LETM1: variants seen among roughly 807,000 people sequenced by gnomAD.
LETM1 encodes the protein leucine zipper and EF-hand containing transmembrane protein 1.
A neutral mutation model predicts 74.5 loss-of-function variants in LETM1; 50 were observed. The ratio of observed to expected loss-of-function variants is 0.67; its 90% CI spans 0.53 to 0.85. The LOEUF (loss-of-function observed/expected upper bound fraction) is 0.85, where lower values mean the gene tolerates loss of function less well. Ranked by LOEUF, LETM1 falls within the 40% of genes least tolerant of loss-of-function variation. The pLI, the probability that LETM1 is intolerant of heterozygous loss-of-function variation, is 0.00. For synonymous variants in LETM1, 446 were observed against 407.1 expected, an observed-to-expected ratio of 1.10 and a Z score of -1.15; for missense variants, 824 against 967.8, an observed-to-expected ratio of 0.85 and a Z score of 1.97.
chr4:1,815,683 T>G lies in LETM1; in HGVS notation c.2051A>C (p.Asn684Thr). The change falls in exon 13 of 14, where the codon AAC becomes ACC. Residue 684 changes from asparagine to threonine, a missense_variant. Physicochemically the swap from Asn to Thr is moderately conservative, Grantham distance 65. Around this residue, in one of 4 missense-constraint regions of LETM1, gnomAD observed 161 missense variants for 252.7 expected, o/e 0.64. Transcript: ENST00000302787. ...GCCCACCTTGACGAGGTCGTCGATGTTGACCTTGCCATCCTTGTTTTCATC... is the reference window on the plus strand; with the variant it reads ...GCCCACCTTGACGAGGTCGTCGATGGTGACCTTGCCATCCTTGTTTTCATC... The part of the protein sequence containing the change: ...ALDENKDGKV[N>T]IDDLVKVIEL... The G allele has an allele frequency of 6.2e-7, 1 of 1,614,228 alleles. No homozygotes were observed.
intron 2 of LETM1, among the ~76,000 whole-genome samples, chr4:1,842,753 C>A (rs1351205742): frequency 6.6e-6 from 1 of 152,248 alleles, no homozygotes; most frequent in Non-Finnish European, 1.5e-5. Flanking sequence ...CACAGAAAGG[C>A]CTTGAGGAGG....
At position 1,824,143 on chromosome 4, in the gene LETM1, C is replaced by T. The variant is rs1170254512; in HGVS notation, c.1201-368G>A. On this transcript the variant is annotated intron_variant, in intron 7 of 13. Transcript: ENST00000302787. Reference sequence around the variant, plus strand: ...TTCGAGACCAGCCTGGCCAACATGGCGATCCCATCTCTACTAAAAATACAA... The same window carrying T: ...TTCGAGACCAGCCTGGCCAACATGGTGATCCCATCTCTACTAAAAATACAA... 4.6e-5 allele frequency among the ~76,000 whole-genome samples: 7 copies of T among 152,114 alleles called. No homozygotes were observed. The South Asian group carries it at 6.2e-4, about 13-fold the overall frequency.
chr4:1,821,674 A>G (rs1039827715), intron 10 of LETM1, among the ~76,000 whole-genome samples: 6 of 152,154 alleles, frequency 3.9e-5, no homozygotes, highest in African/African-American at 1.4e-4. Flanking sequence ...CGAGTTCAAG[A>G]TGGAAGGTAC....
At chr4:1,848,616 T>C (rs1378657302) in intron 2 of LETM1, among the ~76,000 whole-genome samples, 1 of 143,708 alleles carries the variant, frequency 7.0e-6, no homozygotes, top group Non-Finnish European at 1.5e-5. Flanking sequence ...CTCGGGAGGT[T>C]GAAGCAGGAG....
At chr4:1,840,710 A>T (rs1029375729) in intron 3 of LETM1, among the ~76,000 whole-genome samples, 5 of 141,844 alleles carry the variant, frequency 3.5e-5, no homozygotes, top group African/African-American at 1.2e-4. Context: ...TAATAATAAT[A>T]AAAAAAAAAC....
chr4:1,834,956 C>T lies in LETM1; in HGVS notation c.765G>A (p.Arg255=). 6.2e-7 allele frequency: 1 copy of T among 1,614,070 alleles called. No homozygotes were observed. Among genetic ancestry groups the T allele is most frequent in the African/African-American group, 1.3e-5 (1 of 75,026 alleles). The change falls in exon 5 of 14, where the codon CGG becomes CGA. Residue 255 remains arginine, a synonymous_variant. Transcript: ENST00000302787. The surrounding 1 kb of genome is among the most constrained non-coding windows in gnomAD (Gnocchi z 5.0). ...LKEERLKKEL[R]VKLELAKFLQ... is the part of the protein sequence containing the mutation. ...GGAACTTGGCCAGCTCCAGCTTGACCCGAAGCTCCTTCTTCAGCCTCTCCT... is the reference window on the plus strand; with the variant it reads ...GGAACTTGGCCAGCTCCAGCTTGACTCGAAGCTCCTTCTTCAGCCTCTCCT...
At chr4:1,845,857 T>C (rs1712866996) in intron 2 of LETM1, among the ~76,000 whole-genome samples, 1 of 151,554 alleles carries the variant, frequency 6.6e-6, no homozygotes, top group Non-Finnish European at 1.5e-5. Flanking sequence ...TCCATAATTA[T>C]TATATTATTA....
intron 2 of LETM1, among the ~76,000 whole-genome samples, chr4:1,844,216 C>A (rs142766830): frequency 6.6e-6 from 1 of 152,230 alleles, no homozygotes; most frequent in Admixed American, 6.5e-5. Flanking sequence ...TAACATCCCC[C>A]GGCAAATCCC....
Position 1,855,998 on chromosome 4 carries a change from C to CCGCGGCGGCCGCGGCTCTTCGCCGT in LETM1, c.-73_-49dup, listed in dbSNP as rs1456174141. On this transcript the variant is annotated 5_prime_UTR_variant, in exon 1 of 14. Transcript: ENST00000302787. ...CCGGCCTCCTGCGCTGCCTCCTTCT[C>CCGCGGCGGCCGCGGCTCTTCGCCGT]CGCGGCGGCCGCGGCTCTTCGCCGT... 9 of 1,107,264 alleles carry CCGCGGCGGCCGCGGCTCTTCGCCGT rather than the reference C, an allele frequency of 8.1e-6. No individual in the cohort carries two copies. In the African/African-American group the frequency reaches 1.5e-4, roughly 18 times the overall value. 68.6% of individuals were successfully genotyped at this position (1,107,264 alleles called of 1,614,324 possible).
At chr4:1,826,787 C>G (rs1712004253) in intron 6 of LETM1, among the ~76,000 whole-genome samples, 1 of 152,260 alleles carries the variant, frequency 6.6e-6, no homozygotes, top group East Asian at 1.9e-4. Flanking sequence ...CTCCTGGGGG[C>G]TGGCTGGCCT....
intron 1 of LETM1, among the ~76,000 whole-genome samples, chr4:1,849,817 G>A (rs1440188131): frequency 6.6e-6 from 1 of 152,162 alleles, no homozygotes; most frequent in Admixed American, 6.5e-5. Flanking sequence ...CAAAGTGTTG[G>A]GATTACAGGC....
chr4:1,846,686 A>T (rs1369796964), intron 2 of LETM1: 1 of 152,242 alleles, frequency 6.6e-6, no homozygotes, highest in East Asian at 1.9e-4. Context: ...AGCTAACATC[A>T]TATGTCACAA....
intron 6 of LETM1, among the ~76,000 whole-genome samples, chr4:1,829,423 G>C (rs1028479771): frequency 6.6e-6 from 1 of 152,252 alleles, no homozygotes; most frequent in African/African-American, 2.4e-5. Flanking sequence ...CTCCCGGACA[G>C]TTCTTTTAAC....
At chr4:1,820,872 C>G (rs1454725486) in intron 10 of LETM1, among the ~76,000 whole-genome samples, 1 of 151,774 alleles carries the variant, frequency 6.6e-6, no homozygotes, top group Non-Finnish European at 1.5e-5. Flanking sequence ...AAAAATACAA[C>G]AATTAGCTGG....
intron 6 of LETM1, among the ~76,000 whole-genome samples, chr4:1,829,724 G>A (rs977312951): frequency 6.6e-6 from 1 of 152,238 alleles, no homozygotes; most frequent in Non-Finnish European, 1.5e-5. Flanking sequence ...GGGGGCTGAG[G>A]TGGGAGGATG....
At chr4:1,816,407 G>A (rs933963637) in intron 12 of LETM1, among the ~76,000 whole-genome samples, 1 of 152,222 alleles carries the variant, frequency 6.6e-6, no homozygotes, top group African/African-American at 2.4e-5. Context: ...GCGTGGGTGG[G>A]GTCAGGAAGA....
intron 13 of LETM1, 122 bp from the exon 14 acceptor site, chr4:1,814,695 C>T: frequency 1.3e-6 from 1 of 768,612 alleles, no homozygotes; most frequent in Non-Finnish European, 2.2e-6. Context: ...GCAATCACTG[C>T]CTGCGGGCCC....
At chr4:1,852,428 T>C (rs1427280434) in intron 1 of LETM1, among the ~76,000 whole-genome samples, 2 of 152,060 alleles carry the variant, frequency 1.3e-5, no homozygotes, top group Non-Finnish European at 2.9e-5. Context: ...CACCCAGAAG[T>C]TCTCATCAAG....
At position 1,822,253 on chromosome 4, in the gene LETM1, C is replaced by A. The variant is rs748336643; in HGVS notation, c.1536G>T (p.Gln512His). 5.2e-6 allele frequency: 8 copies of A among 1,548,478 alleles called. No homozygotes were observed. The highest frequency in any genetic ancestry group is 6.1e-6 in the Non-Finnish European group (7 of 1,140,378). The change falls in exon 10 of 14, where the codon CAG becomes CAT. Residue 512 changes from glutamine (Q) to histidine (H), a missense_variant. Physicochemically the swap from Gln to His is conservative, Grantham distance 24 (BLOSUM62 0). Coordinates refer to ENST00000302787, the MANE Select transcript of LETM1 (RefSeq NM_012318.3). ...AAPQRPGTEP[Q>H]PEMPDTVLQS... The stretch of plus-strand genomic sequence containing the variant: ...GCAGGACTGTGTCAGGCATTTCTGG[C>A]TGTGGCTCGGTCCCCGGCCTTTGGG...
Sources: allele counts gnomAD v4.1 joint callset (sites outside exome capture counted in the v4.1 genomes callset), GRCh38; gene constraint gnomAD v4.1.1; regional missense constraint gnomAD v4.1.1; non-coding constraint Gnocchi (gnomAD v3.1); transcripts MANE v1.5; gene names NCBI Gene and HGNC (gene_info 2026-07-23, HGNC 2026-07-21).